Variants in ABHD12B observed in about 807,000 individuals in gnomAD.
The protein encoded by ABHD12B is protein ABHD12B.
In ABHD12B, 42 loss-of-function variants were observed where a neutral mutation model predicts 50.4. The observed-to-expected ratio is 0.83, with a 90% CI of 0.65 to 1.08. ABHD12B has a LOEUF of 1.08. ABHD12B is among the 50% of genes least tolerant of loss of function. The pLI is 0.00. For missense variants in ABHD12B, 479 were observed against 447.7 expected (o/e 1.07, Z -0.63); for synonymous variants, 167 against 160.3 (o/e 1.04, Z -0.32).
At chr14:50,903,760 T>TTCCATTTTAGAGCCA (rs2050294560) in intron 11 of ABHD12B, among the ~76,000 whole-genome samples, 1 of 152,178 alleles carries the variant, frequency 6.6e-6, no homozygotes. Flanking sequence ...CTGTAGTGGC[T>TTCCATTTTAGAGCCA]CTAAAATGGA....
chr14:50,885,881 C>T lies in ABHD12B; in HGVS notation c.648C>T (p.His216=), dbSNP rs758207003. 3 of 1,614,122 alleles carry T rather than the reference C, an allele frequency of 1.9e-6. No homozygotes were observed. The highest frequency in any genetic ancestry group is 2.5e-6 in the Non-Finnish European group (3 of 1,180,026). Residue 216 remains histidine (H), a synonymous_variant, in exon 7 of 13, where the codon CAC becomes CAT. Transcript: ENST00000337334. ...TCACTCCCGTGTGTCTCTGGGGCCACTCTCTGGGTACAGGGTAAGTGAGAT... is the reference window on the plus strand; with the variant it reads ...TCACTCCCGTGTGTCTCTGGGGCCATTCTCTGGGTACAGGGTAAGTGAGAT... ...SGITPVCLWG[H]SLGTGVATNA...
At chr14:50,903,242 G>C (rs1369193841) in intron 10 of ABHD12B, 147 bp from the exon 11 acceptor site, 1 of 511,630 alleles carries the variant, frequency 2.0e-6, no homozygotes, top group African/African-American at 2.0e-5. Flanking sequence ...ATTTTTAAAT[G>C]TATGATATTG....
chr14:50,897,147 A>C (rs1302455284), intron 9 of ABHD12B, among the ~76,000 whole-genome samples: 2 of 146,716 alleles, frequency 1.4e-5, no homozygotes, highest in South Asian at 4.2e-4. Context: ...ATCTCAGCTC[A>C]TGGCAACCTC....
At chr14:50,903,275 G>T in intron 10 of ABHD12B, 114 bp from the exon 11 acceptor site, 2 of 745,890 alleles carry the variant, frequency 2.7e-6, no homozygotes, top group Non-Finnish European at 2.2e-6. Context: ...AGGAAGGAAA[G>T]AAATTTCTTG....
At chr14:50,889,150 A>G (rs768360439) in intron 9 of ABHD12B, among the ~76,000 whole-genome samples, 20 of 152,198 alleles carry the variant, frequency 1.3e-4, no homozygotes, top group Non-Finnish European at 2.1e-4. Flanking sequence ...TAGTAGATAG[A>G]CTTGCCTTAA....
rs555155030 is a variant in ABHD12B, at chr14:50,903,267, G to A, written c.864-122G>A. On this transcript the variant is annotated intron_variant, in intron 10 of 12. Coordinates refer to ENST00000337334, the MANE Select transcript of ABHD12B (RefSeq NM_001206673.2). ...GTATGATATTGTTATTCCTTGGAAG[G>A]AAGGAAAGAAATTTCTTGTAATTTA... 1.2e-4 allele frequency: 82 copies of A among 686,020 alleles called. 3 individuals carry two copies. The highest frequency in any genetic ancestry group is 2.5e-4 in the South Asian group (13 of 51,428). The allele number at this position is 686,020 out of a possible 1,614,324, so 42.5% of individuals were successfully genotyped here.
In ABHD12B at chr14:50,904,795, A is replaced by T; in HGVS notation, c.*429A>T. ...TCTGATGAATGAGATTAGTGCCCTT[A>T]TAAATTATGACCAAAAGAGCTCTTC... On this transcript the variant is annotated 3_prime_UTR_variant, in exon 13 of 13. Coordinates refer to ENST00000337334, the MANE Select transcript of ABHD12B (RefSeq NM_001206673.2). 4.1e-6 allele frequency: 1 copy of T among 245,894 alleles called. No homozygotes were observed. 15.2% of individuals were successfully genotyped at this position (245,894 alleles called of 1,614,324 possible).
intron 9 of ABHD12B, among the ~76,000 whole-genome samples, chr14:50,896,359 T>G (rs1461600378): frequency 1.3e-5 from 2 of 152,146 alleles, no homozygotes; most frequent in Non-Finnish European, 2.9e-5. Context: ...ACTATTTTGT[T>G]TTATTTTTCT....
At chr14:50,894,043 C>T (rs1369085769) in intron 9 of ABHD12B, among the ~76,000 whole-genome samples, 1 of 152,240 alleles carries the variant, frequency 6.6e-6, no homozygotes, top group Non-Finnish European at 1.5e-5. Flanking sequence ...GGGACGCCTG[C>T]CTTGGTCCTT....
chr14:50,900,183 T>G (rs1164468033), intron 9 of ABHD12B, among the ~76,000 whole-genome samples: 1 of 151,994 alleles, frequency 6.6e-6, no homozygotes, highest in Non-Finnish European at 1.5e-5. Context: ...CAGTGAGCCA[T>G]GAGCATGCCA....
intron 9 of ABHD12B, chr14:50,893,047 T>C (rs968469236): frequency 3.3e-5 from 5 of 152,362 alleles, no homozygotes; most frequent in Admixed American, 2.6e-4. Flanking sequence ...TGTGTACCAA[T>C]GTATGGTCAA....
At chr14:50,893,632 T>A (rs2050150432) in intron 9 of ABHD12B, 1 of 157,800 alleles carries the variant, frequency 6.3e-6, no homozygotes, top group Admixed American at 6.5e-5. Context: ...GTGACTCGGA[T>A]CGGGGGACCT....
rs777497925 is a variant in ABHD12B, at chr14:50,903,375, C to T, written c.864-14C>T. 1 of 1,595,412 alleles carries T rather than the reference C, an allele frequency of 6.3e-7. No homozygotes were observed. The highest frequency in any genetic ancestry group is 8.6e-7 in the Non-Finnish European group (1 of 1,164,762). ...CATTCTTTAACTGAATGCTTTTCTTCTACTTGTCCCTAGTGTTAAATTCCT... is the reference window on the plus strand; with the variant it reads ...CATTCTTTAACTGAATGCTTTTCTTTTACTTGTCCCTAGTGTTAAATTCCT... On this transcript the variant is annotated splice_polypyrimidine_tract_variant and intron_variant, in intron 10 of 12. Transcript: ENST00000337334.
intron 1 of ABHD12B, among the ~76,000 whole-genome samples, chr14:50,877,268 C>T (rs2049876130): frequency 6.6e-6 from 1 of 152,102 alleles, no homozygotes; most frequent in South Asian, 2.1e-4. Context: ...TCCCTCACTG[C>T]CTGAGACTAA....
At chr14:50,894,976 TC>T (rs2050175984) in intron 9 of ABHD12B, among the ~76,000 whole-genome samples, 1 of 149,222 alleles carries the variant, frequency 6.7e-6, no homozygotes, top group Non-Finnish European at 1.5e-5. Context: ...TGACTAGCCC[TC>T]CCCCACCTGC....
intron 9 of ABHD12B, among the ~76,000 whole-genome samples, chr14:50,894,252 C>G (rs562266113): frequency 4.2e-4 from 63 of 150,062 alleles, no homozygotes; most frequent in African/African-American, 1.5e-3. Flanking sequence ...TCACCCTTAG[C>G]GGCAAGTCCC....
At chr14:50,904,222 C>T (rs2050301952) in intron 12 of ABHD12B, 30 bp downstream of exon 12, 1 of 1,612,854 alleles carries the variant, frequency 6.2e-7, no homozygotes, top group African/African-American at 1.3e-5. Flanking sequence ...ATGTATGTTG[C>T]CCTTCAAGGC....
At chr14:50,888,452 G>A (rs8009840) in intron 8 of ABHD12B, among the ~76,000 whole-genome samples, 4 of 152,130 alleles carry the variant, frequency 2.6e-5, no homozygotes, top group African/African-American at 9.7e-5. Context: ...TCCGCCTGCC[G>A]TGGCCTCCCA....
chr14:50,879,425 G>A (rs1334127636), intron 3 of ABHD12B, among the ~76,000 whole-genome samples: 1 of 152,184 alleles, frequency 6.6e-6, no homozygotes, highest in East Asian at 1.9e-4. Context: ...TTGTTGGTGG[G>A]TTTTCATTGC....
Sources: allele counts gnomAD v4.1 joint callset (sites outside exome capture counted in the v4.1 genomes callset), GRCh38; gene constraint gnomAD v4.1.1; transcripts MANE v1.5; gene names NCBI Gene and HGNC (gene_info 2026-07-23, HGNC 2026-07-21).